The following ABHD18 variants were observed in gnomAD, a reference collection of about 807,000 sequenced individuals.
The protein encoded by ABHD18 is cardiolipin-specific deacylase, mitochondrial.
A neutral mutation model predicts 65.9 loss-of-function variants in ABHD18; 55 were observed. The observed-to-expected ratio is 0.84, with a 90% CI of 0.67 to 1.05. The LOEUF (loss-of-function observed/expected upper bound fraction) is 1.05. ABHD18 is among the 50% of genes least tolerant of loss of function. ABHD18 has a pLI of 0.00. For synonymous variants in ABHD18, 181 were observed against 180.2 expected (o/e 1.00, Z -0.04); for missense variants, 533 against 558.5 (o/e 0.95, Z 0.46).
At chr4:128,035,014 C>T (rs1489817257) in intron 12 of ABHD18, among the ~76,000 whole-genome samples, 1 of 152,036 alleles carries the variant, frequency 6.6e-6, no homozygotes, top group African/African-American at 2.4e-5. Context: ...GAAACCAAGG[C>T]TTTTGATTTT....
intron 10 of ABHD18, among the ~76,000 whole-genome samples, chr4:128,023,202 T>C (rs911207445): frequency 3.9e-5 from 6 of 152,000 alleles, no homozygotes; most frequent in African/African-American, 1.4e-4. Flanking sequence ...ACTTTACTCT[T>C]GTAAAGTAGG....
At chr4:128,014,896 T>G (rs946933415) in intron 7 of ABHD18, among the ~76,000 whole-genome samples, 7 of 151,518 alleles carry the variant, frequency 4.6e-5, no homozygotes, top group African/African-American at 1.7e-4. Context: ...TGGCCAACAG[T>G]GTAAAACCCT....
chr4:127,970,607 A>AG (rs1440225958), intron 1 of ABHD18, among the ~76,000 whole-genome samples: 3 of 143,606 alleles, frequency 2.1e-5, no homozygotes, highest in Admixed American at 6.7e-5. Context: ...AAAAAAAAAA[A>AG]AAAGAAAGAA....
chr4:127,984,024 G>A (rs1273142895), intron 2 of ABHD18, among the ~76,000 whole-genome samples: 3 of 151,094 alleles, frequency 2.0e-5, no homozygotes, highest in Non-Finnish European at 2.9e-5. Flanking sequence ...GTGACAGAGC[G>A]AGACTCCGTC....
intron 4 of ABHD18, among the ~76,000 whole-genome samples, chr4:127,994,778 A>AT (rs1751474209): frequency 6.6e-6 from 1 of 152,040 alleles, no homozygotes; most frequent in Admixed American, 6.6e-5. Context: ...CTTCTATATG[A>AT]TTTTCATTTC....
In ABHD18 at chr4:128,039,100, A is replaced by G. The variant is rs1759118565; in HGVS notation, c.*3287A>G. The G allele has an allele frequency of 1.4e-5, 2 of 147,638 alleles. No individual in the cohort carries two copies. Among genetic ancestry groups the G allele is most frequent in the Non-Finnish European group, 3.0e-5 (2 of 67,160 alleles). The allele number at this position is 147,638 out of a possible 1,614,324, so 9.1% of individuals were successfully genotyped here. A position where few individuals can be genotyped will look rare whatever the true frequency, so the allele number is the denominator to read the frequency against. On this transcript the variant is annotated 3_prime_UTR_variant, in exon 13 of 13. Coordinates refer to ENST00000645843, the MANE Select transcript of ABHD18 (RefSeq NM_001358451.3). ...TACACACACACGTATGTGTGTATAT[A>G]TATGTATGTACGTATATATATGTAT...
chr4:128,003,431 C>A (rs1753032926), intron 4 of ABHD18, among the ~76,000 whole-genome samples: 1 of 148,048 alleles, frequency 6.8e-6, no homozygotes, highest in Non-Finnish European at 1.5e-5. Context: ...ATATTGTAAA[C>A]CATAGAGAAA....
chr4:128,018,462 G>A lies in ABHD18; in HGVS notation c.609+961G>A, dbSNP rs577181110. ...GCAACATAGTAGTAAGACCCACCCT[G>A]TCTCTACAAAAAAAATTGTTTAAAA... On this transcript the variant is annotated intron_variant, in intron 8 of 12. Transcript: ENST00000645843. 2.2e-4 allele frequency among the ~76,000 whole-genome samples: 34 copies of A among 152,060 alleles called. 1 individual carries two copies. The highest frequency in any genetic ancestry group is 7.5e-4 in the African/African-American group (31 of 41,492).
At chr4:128,007,329 A>T (rs1186499722) in intron 4 of ABHD18, among the ~76,000 whole-genome samples, 2 of 121,124 alleles carry the variant, frequency 1.7e-5, no homozygotes, top group Non-Finnish European at 3.3e-5. Context: ...CCTTGTCTCT[A>T]AAAAAAAAAA....
In ABHD18 at chr4:128,011,484, T is replaced by TG. The variant is rs1754558037; in HGVS notation, c.443-189_443-188insG. Among the ~76,000 whole-genome samples, 3 of 151,520 alleles carry TG rather than the reference T, an allele frequency of 2.0e-5. No homozygotes were observed. The South Asian group carries it at 6.2e-4, about 32-fold the overall frequency. Reference sequence around the variant, plus strand: ...TGATTATATCAGTAAAGCTGGTTTTTTTTTTTTTTTTAAAAAAAAGGAAAA... The same window carrying TG: ...TGATTATATCAGTAAAGCTGGTTTTTGTTTTTTTTTTTAAAAAAAAGGAAAA... On this transcript the variant is annotated intron_variant, in intron 6 of 12. Transcript: ENST00000645843.
rs141853380 is a variant in ABHD18 at position 127,996,609 on chromosome 4, A to G, written c.278+6788A>G. Reference sequence around the variant, plus strand: ...TTAACAGGAAACAGGGTTCGAGAGCAGAGAATGGTCTGACTAGAATTTACC... The same window carrying G: ...TTAACAGGAAACAGGGTTCGAGAGCGGAGAATGGTCTGACTAGAATTTACC... On this transcript the variant is annotated intron_variant, in intron 4 of 12. Transcript: ENST00000645843. Among the ~76,000 whole-genome samples the G allele has an allele frequency of 1.6e-4, 25 of 152,320 alleles. No individual in the cohort carries two copies. The East Asian group carries it at 4.8e-3, about 29-fold the overall frequency.
chr4:128,009,211 A>G lies in ABHD18; in HGVS notation c.442+20A>G, dbSNP rs750345471. 21 of 1,370,978 alleles carry G rather than the reference A, an allele frequency of 1.5e-5. No individual in the cohort carries two copies. The highest frequency in any genetic ancestry group is 2.0e-5 in the Non-Finnish European group (21 of 1,044,364). 84.9% of individuals were successfully genotyped at this position (1,370,978 alleles called of 1,614,324 possible). A position where few individuals can be genotyped will look rare whatever the true frequency, so the allele number is the denominator to read the frequency against. On this transcript the variant is annotated intron_variant, in intron 6 of 12. Transcript: ENST00000645843. ...CTTATTATATCCTTTTGTGATATCT[A>G]AGAAATCTTTTGCCTTGTTTATTTA... is the stretch of plus-strand genomic sequence containing the variant.
chr4:127,966,228 C>T (rs1253504328), intron 1 of ABHD18, among the ~76,000 whole-genome samples: 1 of 152,138 alleles, frequency 6.6e-6, no homozygotes, highest in Non-Finnish European at 1.5e-5. Context: ...AGTAGTCATT[C>T]TGTGTCTCAT....
intron 7 of ABHD18, among the ~76,000 whole-genome samples, chr4:128,016,619 A>G (rs1755544632): frequency 6.6e-6 from 1 of 152,056 alleles, no homozygotes; most frequent in Non-Finnish European, 1.5e-5. Flanking sequence ...TGCTAAAAAT[A>G]CAAAAATTAG....
intron 3 of ABHD18, among the ~76,000 whole-genome samples, chr4:127,988,178 AGAT>A (rs1396215009): frequency 6.6e-6 from 1 of 152,250 alleles, no homozygotes; most frequent in Non-Finnish European, 1.5e-5. Context: ...GTTATTTAAT[AGAT>A]GACATTTGTC....
rs964060937 is a variant in ABHD18, at chr4:127,985,607, A to G, written c.177+1184A>G. ...AAACAAAAAAATTTAAAACATACCA[A>G]GTTAAAAAAAAATCTCCTTTAATCT... On this transcript the variant is annotated intron_variant, in intron 3 of 12. Coordinates refer to ENST00000645843, the MANE Select transcript of ABHD18 (RefSeq NM_001358451.3). Among the ~76,000 whole-genome samples, 3 of 152,088 alleles carry G rather than the reference A, an allele frequency of 2.0e-5. No individual in the cohort carries two copies. The East Asian group carries it at 5.8e-4, about 29-fold the overall frequency.
chr4:128,011,817 G>A, intron 7 of ABHD18, 117 bp downstream of exon 7: 1 of 451,190 alleles, frequency 2.2e-6, no homozygotes, highest in Non-Finnish European at 3.7e-6. Context: ...TTATGGGGGG[G>A]GGGAGTTCTG....
At chr4:128,019,680 A>G (rs552292624) in intron 8 of ABHD18, among the ~76,000 whole-genome samples, 1 of 152,296 alleles carries the variant, frequency 6.6e-6, no homozygotes, top group East Asian at 1.9e-4. Context: ...AGTTCACCAA[A>G]TTCTTGGCAT....
chr4:127,967,537 G>A (rs549985957), intron 1 of ABHD18, among the ~76,000 whole-genome samples: 1 of 152,236 alleles, frequency 6.6e-6, no homozygotes, highest in South Asian at 2.1e-4. Context: ...TCTGTTTATA[G>A]GTTAAGGTGG....
Sources: gnomAD v4.1 joint callset for allele counts (sites outside exome capture counted in the v4.1 genomes callset) on GRCh38, gnomAD v4.1.1 for gene constraint, MANE v1.5 for transcripts, NCBI Gene and HGNC (gene_info 2026-07-23, HGNC 2026-07-21) for gene names.